Variants in PRR16 observed in about 807,000 individuals in gnomAD.
The protein encoded by PRR16 is protein Largen.
Under a neutral mutation model 18.2 loss-of-function variants are expected in PRR16, and 6 were observed. That is an observed-to-expected ratio of 0.33 (90% CI 0.18 to 0.65). The LOEUF (loss-of-function observed/expected upper bound fraction) is 0.65, where lower values mean the gene tolerates loss of function less well. Ranked by LOEUF, PRR16 falls within the 30% of genes least tolerant of loss-of-function variation. The probability of loss-of-function intolerance (pLI) is 0.74; values close to 1 mark genes in which losing one functional copy is unlikely to be tolerated. For synonymous variants in PRR16, 151 were observed against 147.8 expected (o/e 1.02, Z -0.16); for missense variants, 412 against 376.6 (o/e 1.09, Z -0.78).
intron 1 of PRR16, among the ~76,000 whole-genome samples, chr5:120,542,644 T>C (rs992345971): frequency 1.1e-4 from 16 of 152,084 alleles, no homozygotes; most frequent in Non-Finnish European, 2.4e-4. Flanking sequence ...AACCAAAAGA[T>C]TGATGGATCC....
the PRR16 span, among the ~76,000 whole-genome samples, chr5:120,754,273 A>T: frequency 2.6e-5 from 1 of 38,822 alleles, no homozygotes; most frequent in Non-Finnish European, 4.8e-5. Context: ...TAAATATAAA[A>T]TAATATATAA....
chr5:120,484,931 A>G (rs1749744650), intron 1 of PRR16, among the ~76,000 whole-genome samples: 1 of 151,724 alleles, frequency 6.6e-6, no homozygotes, highest in Admixed American at 6.6e-5. Flanking sequence ...TCATTTAAAT[A>G]TAATTCTGCG....
chr5:120,564,895 A>T (rs1221251040), intron 1 of PRR16, among the ~76,000 whole-genome samples: 1 of 151,038 alleles, frequency 6.6e-6, no homozygotes, highest in African/African-American at 2.4e-5. Flanking sequence ...CTGAGGCAGG[A>T]GAATGGCTTG....
chr5:120,647,784 T>G (rs1270788883), intron 1 of PRR16, among the ~76,000 whole-genome samples: 1 of 152,104 alleles, frequency 6.6e-6, no homozygotes, highest in Admixed American at 6.6e-5. Context: ...TCAAGCCTCA[T>G]CTTCATGCCA....
the PRR16 span, among the ~76,000 whole-genome samples, chr5:120,788,832 C>CA: frequency 6.6e-6 from 1 of 152,022 alleles, no homozygotes; most frequent in African/African-American, 2.4e-5. Flanking sequence ...TTGGAGATAG[C>CA]AGAGTTACTG....
intron 1 of PRR16, among the ~76,000 whole-genome samples, chr5:120,637,317 GAAAAAAAAAAAAA>G (rs372136712): frequency 6.4e-5 from 4 of 62,636 alleles, no homozygotes; most frequent in African/African-American, 2.0e-4. Flanking sequence ...CCATTATACG[GAAAAAAAAAAAAA>G]AAAAAAAAAA....
At chr5:120,516,423 CAAAA>C (rs531146634) in intron 1 of PRR16, among the ~76,000 whole-genome samples, 6 of 52,662 alleles carry the variant, frequency 1.1e-4, no homozygotes, top group Admixed American at 2.5e-4. Context: ...GATTATGTCT[CAAAA>C]AAAAAAAAAA....
At chr5:120,486,946 C>A (rs1446158089) in intron 1 of PRR16, among the ~76,000 whole-genome samples, 6 of 152,242 alleles carry the variant, frequency 3.9e-5, no homozygotes, top group Middle Eastern at 3.4e-3. Context: ...TGTCAAAGAT[C>A]AGATAGTTGT....
intron 1 of PRR16, among the ~76,000 whole-genome samples, chr5:120,596,371 G>A (rs1003577906): frequency 6.6e-6 from 1 of 151,522 alleles, no homozygotes; most frequent in Non-Finnish European, 1.5e-5. Context: ...CCACAAAACC[G>A]GAACCTGATT....
chr5:120,749,659 A>C, the PRR16 span, among the ~76,000 whole-genome samples: 9 of 152,268 alleles, frequency 5.9e-5, no homozygotes, highest in East Asian at 1.7e-3. Flanking sequence ...CCATAATGCA[A>C]AATAATTAAT....
intron 1 of PRR16, among the ~76,000 whole-genome samples, chr5:120,622,522 A>C (rs1408806199): frequency 6.6e-6 from 1 of 151,908 alleles, no homozygotes; most frequent in South Asian, 2.1e-4. Context: ...CTATGTCGCC[A>C]GGCTGGAGTG....
Position 120,651,592 on chromosome 5 carries a change from T to C in PRR16, c.160-34362T>C, listed in dbSNP as rs568448399. Among the ~76,000 whole-genome samples the C allele has an allele frequency of 4.9e-3, 745 of 152,308 alleles. 1 individual carries two copies. The highest frequency in any genetic ancestry group is 0.017 in the African/African-American group (714 of 41,558). On this transcript the variant is annotated intron_variant, in intron 1 of 1. Coordinates refer to ENST00000407149, the MANE Select transcript of PRR16 (RefSeq NM_001300783.2). ...ACCATTTATTAAACAGGGAATCATTTCCCCATTTCTTGTTTTTGTCAGGTT... is the reference window on the plus strand; with the variant it reads ...ACCATTTATTAAACAGGGAATCATTCCCCCATTTCTTGTTTTTGTCAGGTT...
chr5:120,539,712 G>A (rs929659975), intron 1 of PRR16, among the ~76,000 whole-genome samples: 1 of 152,092 alleles, frequency 6.6e-6, no homozygotes, highest in Non-Finnish European at 1.5e-5. Flanking sequence ...CAGTAAAAAA[G>A]GGTGTAGGAA....
At chr5:120,775,354 A>G in the PRR16 span, among the ~76,000 whole-genome samples, 1 of 151,788 alleles carries the variant, frequency 6.6e-6, no homozygotes, top group African/African-American at 2.4e-5. Context: ...ACCAGAAACA[A>G]TAATAGGAAA....
At chr5:120,552,747 C>T (rs953820497) in intron 1 of PRR16, among the ~76,000 whole-genome samples, 16 of 151,842 alleles carry the variant, frequency 1.1e-4, no homozygotes, top group South Asian at 2.1e-4. Context: ...TTGTATCTTA[C>T]GGTAATGAAA....
chr5:120,749,510 T>C, the PRR16 span, among the ~76,000 whole-genome samples: 1 of 152,294 alleles, frequency 6.6e-6, no homozygotes, highest in South Asian at 2.1e-4. Context: ...AGTGTTGCTA[T>C]TCATAACAAT....
At chr5:120,576,027 C>G (rs964694861) in intron 1 of PRR16, among the ~76,000 whole-genome samples, 13 of 152,080 alleles carry the variant, frequency 8.5e-5, no homozygotes, top group Non-Finnish European at 1.8e-4. Flanking sequence ...AAAATGAATT[C>G]AAAGTGGATT....
the PRR16 span, among the ~76,000 whole-genome samples, chr5:120,765,371 T>C: frequency 6.6e-6 from 1 of 152,046 alleles, no homozygotes; most frequent in Non-Finnish European, 1.5e-5. Context: ...ATAACAGTTG[T>C]TGATTTTGGA....
At chr5:120,777,546 T>C in the PRR16 span, among the ~76,000 whole-genome samples, 15 of 152,110 alleles carry the variant, frequency 9.9e-5, no homozygotes, top group Non-Finnish European at 1.8e-4. Flanking sequence ...TTTTGTCCTT[T>C]ATGGTTTATT....
Sources: allele counts gnomAD v4.1 joint callset (sites outside exome capture counted in the v4.1 genomes callset), GRCh38; gene constraint gnomAD v4.1.1; transcripts MANE v1.5; gene names NCBI Gene and HGNC (gene_info 2026-07-23, HGNC 2026-07-21).